Variants in UBTD2 observed in about 807,000 individuals in gnomAD.
UBTD2 encodes ubiquitin domain-containing protein 2.
A neutral mutation model predicts 19.8 loss-of-function variants in UBTD2; 9 were observed. The observed-to-expected ratio is 0.46, with a 90% CI of 0.27 to 0.79. The LOEUF is 0.79. Ranked by LOEUF, UBTD2 falls within the 30% of genes least tolerant of loss-of-function variation. The pLI is 0.14. For synonymous variants in UBTD2, 98 were observed against 103.9 expected, an observed-to-expected ratio of 0.94 and a Z score of 0.35; for missense variants, 250 against 300.4, an observed-to-expected ratio of 0.83 and a Z score of 1.24.
intron 1 of UBTD2, among the ~76,000 whole-genome samples, chr5:172,245,796 A>C (rs1348666006): frequency 6.6e-6 from 1 of 152,184 alleles, no homozygotes; most frequent in Non-Finnish European, 1.5e-5. Flanking sequence ...TGTGCTGTGC[A>C]CAAAGCAAAG....
In UBTD2 at chr5:172,283,349, A is replaced by C. The variant is rs1326821935; in HGVS notation, c.70+247T>G. 6.6e-6 allele frequency among the ~76,000 whole-genome samples: 1 copy of C among 152,100 alleles called. No homozygotes were observed. The highest frequency in any genetic ancestry group is 2.4e-5 in the African/African-American group (1 of 41,414). Reference sequence around the variant, plus strand: ...CTTCGGGTCCGACTTCCCCGAGCCGAGCGGGGCGGTCGGCGAGGCCAAGGG... The same window carrying C: ...CTTCGGGTCCGACTTCCCCGAGCCGCGCGGGGCGGTCGGCGAGGCCAAGGG... On this transcript the variant is annotated intron_variant, in intron 1 of 2. Coordinates refer to ENST00000393792, the MANE Select transcript of UBTD2 (RefSeq NM_152277.3). The surrounding 1 kb of genome is among the most constrained non-coding windows in gnomAD (Gnocchi z 4.3).
At chr5:172,268,513 G>A (rs773050230) in intron 1 of UBTD2, among the ~76,000 whole-genome samples, 7 of 152,124 alleles carry the variant, frequency 4.6e-5, no homozygotes, top group Non-Finnish European at 8.8e-5. Flanking sequence ...AATGTCGGCC[G>A]GGCGTGGCAG....
chr5:172,270,481 G>A (rs537219245), intron 1 of UBTD2, among the ~76,000 whole-genome samples: 170 of 145,328 alleles, frequency 1.2e-3, no homozygotes, highest in African/African-American at 4.2e-3. Flanking sequence ...TCAGCCTCCC[G>A]AGTAGCTGGG....
intron 1 of UBTD2, chr5:172,242,243 C>G: frequency 3.3e-6 from 1 of 303,574 alleles, no homozygotes; most frequent in Non-Finnish European, 4.8e-6. Context: ...TACCCAGTCT[C>G]AGGTATTCCT....
chr5:172,262,017 A>C (rs760509991), intron 1 of UBTD2, among the ~76,000 whole-genome samples: 2 of 152,156 alleles, frequency 1.3e-5, no homozygotes, highest in Non-Finnish European at 2.9e-5. Context: ...ACAGAAGACA[A>C]AGCTTACAGT....
intron 1 of UBTD2, among the ~76,000 whole-genome samples, chr5:172,236,498 G>C (rs1471510957): frequency 6.6e-6 from 1 of 151,216 alleles, no homozygotes; most frequent in African/African-American, 2.5e-5. Context: ...TAATTCTCTA[G>C]AAGATGTTCA....
intron 1 of UBTD2, among the ~76,000 whole-genome samples, chr5:172,248,227 G>T (rs1357514760): frequency 6.6e-6 from 1 of 152,102 alleles, no homozygotes; most frequent in Non-Finnish European, 1.5e-5. Flanking sequence ...AGATCTCAAT[G>T]AATAACCTAA....
Position 172,234,250 on chromosome 5 carries a change from G to GT in UBTD2, c.178dup (p.Thr60AsnfsTer6). The GT allele has an allele frequency of 6.2e-7, 1 of 1,614,180 alleles. No homozygotes were observed. Among genetic ancestry groups the GT allele is most frequent in the Non-Finnish European group, 8.5e-7 (1 of 1,180,034 alleles). ...TTTCCGGCCTTCAAAAGCTGGTGCT[G>GT]TATCCCAAAATTCATCCCTCTTGCT... On this transcript the variant is annotated frameshift_variant, in exon 2 of 3. Coordinates refer to ENST00000393792, the MANE Select transcript of UBTD2 (RefSeq NM_152277.3). LOFTEE classifies it high-confidence loss of function.
At position 172,257,045 on chromosome 5, in the gene UBTD2, T is replaced by C. The variant is rs150475000; in HGVS notation, c.71-22687A>G. ...TGTGCAGGTTTGTTACGTGGGTAAA[T>C]TGAATGTCACTGGGGTTTGGAGTAC... On this transcript the variant is annotated intron_variant, in intron 1 of 2. Coordinates refer to ENST00000393792, the MANE Select transcript of UBTD2 (RefSeq NM_152277.3). Among the ~76,000 whole-genome samples the C allele has an allele frequency of 3.1e-3, 478 of 152,266 alleles. 1 individual carries two copies. The highest frequency in any genetic ancestry group is 0.011 in the African/African-American group (453 of 41,544).
intron 2 of UBTD2, among the ~76,000 whole-genome samples, chr5:172,227,998 C>T (rs563603525): frequency 6.6e-5 from 10 of 152,174 alleles, no homozygotes; most frequent in Admixed American, 5.2e-4. Flanking sequence ...CTTATAGGAA[C>T]CTTTAAAGTC....
At chr5:172,252,794 A>G (rs1755056553) in intron 1 of UBTD2, among the ~76,000 whole-genome samples, 1 of 152,338 alleles carries the variant, frequency 6.6e-6, no homozygotes, top group East Asian at 1.9e-4. Flanking sequence ...CTTGCTTTCA[A>G]GAATGGACAA....
At chr5:172,265,645 T>G (rs1755363416) in intron 1 of UBTD2, among the ~76,000 whole-genome samples, 2 of 152,088 alleles carry the variant, frequency 1.3e-5, no homozygotes. Context: ...TAGTAAACTT[T>G]TCATTCTCCA....
intron 2 of UBTD2, among the ~76,000 whole-genome samples, chr5:172,228,580 G>C (rs1488722221): frequency 6.6e-6 from 1 of 152,028 alleles, no homozygotes; most frequent in Non-Finnish European, 1.5e-5. Context: ...AATTAGATGG[G>C]CGTGGTGCTG....
intron 1 of UBTD2, among the ~76,000 whole-genome samples, chr5:172,256,314 T>C (rs1253408397): frequency 6.6e-6 from 1 of 152,066 alleles, no homozygotes; most frequent in Non-Finnish European, 1.5e-5. Context: ...ACACACACCT[T>C]AAGTCTGAAA....
intron 1 of UBTD2, among the ~76,000 whole-genome samples, chr5:172,253,400 GAT>G (rs1755067240): frequency 6.6e-6 from 1 of 151,604 alleles, no homozygotes; most frequent in Non-Finnish European, 1.5e-5. Context: ...TAAGTCCTGA[GAT>G]ATAAATCTCA....
chr5:172,211,636 C>T lies in UBTD2; in HGVS notation c.*194G>A. The stretch of plus-strand genomic sequence containing the variant: ...ATTGTAATTACATGAGTCTCAAAGC[C>T]TGGCTCTTTGTGTTTTATTATTTTT... On this transcript the variant is annotated 3_prime_UTR_variant, in exon 3 of 3. Coordinates refer to ENST00000393792, the MANE Select transcript of UBTD2 (RefSeq NM_152277.3). 1 of 525,574 alleles carries T rather than the reference C, an allele frequency of 1.9e-6. No homozygotes were observed. The highest frequency in any genetic ancestry group is 5.1e-4 in the Middle Eastern group (1 of 1,944). The allele number at this position is 525,574 out of a possible 1,614,324, so 32.6% of individuals were successfully genotyped here. A position where few individuals can be genotyped will look rare whatever the true frequency, so the allele number is the denominator to read the frequency against.
rs549848059 is a variant in UBTD2 at position 172,230,973 on chromosome 5, C to T, written c.307+3149G>A. 9.9e-5 allele frequency among the ~76,000 whole-genome samples: 15 copies of T among 152,100 alleles called. 2 individuals are homozygous for T. Among genetic ancestry groups the T allele is most frequent in the East Asian group, 3.9e-4 (2 of 5,158 alleles). The stretch of plus-strand genomic sequence containing the variant: ...TAATCCTTTGTATTTTTAGTAGAGA[C>T]GGGGTTTCACCGTGTTAGCCGGGAT... On this transcript the variant is annotated intron_variant, in intron 2 of 2. Transcript: ENST00000393792.
chr5:172,273,555 C>T (rs868546862), intron 1 of UBTD2, among the ~76,000 whole-genome samples: 76 of 139,390 alleles, frequency 5.5e-4, no homozygotes, highest in African/African-American at 1.8e-3. Flanking sequence ...TGTACCACTG[C>T]GCTCCAGCCT....
intron 1 of UBTD2, among the ~76,000 whole-genome samples, chr5:172,282,479 A>C (rs1241573913): frequency 1.3e-5 from 2 of 152,240 alleles, no homozygotes; most frequent in Admixed American, 1.3e-4. Flanking sequence ...TTAGGTGTAC[A>C]TGGTTTGTGA....
Sources: allele counts gnomAD v4.1 joint callset (sites outside exome capture counted in the v4.1 genomes callset), GRCh38; gene constraint gnomAD v4.1.1; non-coding constraint Gnocchi (gnomAD v3.1); transcripts MANE v1.5; gene names NCBI Gene and HGNC (gene_info 2026-07-23, HGNC 2026-07-21).